CCDC39: variants seen among roughly 807,000 people sequenced by gnomAD.
The protein encoded by CCDC39 is coiled-coil domain 39 molecular ruler complex subunit.
A neutral mutation model predicts 121.0 loss-of-function variants in CCDC39; 113 were observed. The observed-to-expected ratio is 0.93, with a 90% CI of 0.80 to 1.09. The LOEUF is 1.09. Among genes scored for constraint, CCDC39 ranks in the 50% least tolerant of loss-of-function variants. CCDC39 has a pLI of 0.00. For missense variants in CCDC39, 1,063 were observed against 1,074.7 expected, an observed-to-expected ratio of 0.99 and a Z score of 0.15; for synonymous variants, 349 against 352.2, an observed-to-expected ratio of 0.99 and a Z score of 0.10.
chr3:180,652,080 C>A, intron 8 of CCDC39, 83 bp downstream of exon 8: 11 of 755,644 alleles, frequency 1.5e-5, no homozygotes, highest in Admixed American at 3.4e-5. Context: ...ATTATTTAAA[C>A]AACAAATAGT....
At chr3:180,656,559 T>C (rs56087891) in intron 6 of CCDC39, among the ~76,000 whole-genome samples, 6,309 of 152,166 alleles carry the variant, frequency 0.041, 463 homozygotes, top group African/African-American at 0.14. Flanking sequence ...ATTTGAACCA[T>C]AGCAACTCCA....
rs1440418338 is a variant in CCDC39 at position 180,661,959 on chromosome 3, T to C, written c.259A>G (p.Lys87Glu). ...ERETESEEHFKAIAQRELGRV... is the reference protein window; with the variant it reads ...ERETESEEHFEAIAQRELGRV... ...CCCAATTCTCTTTGAGCAATGGCCTTAAAATGTTCTTCACTTTCAGTCTCA... is the reference window on the plus strand; with the variant it reads ...CCCAATTCTCTTTGAGCAATGGCCTCAAAATGTTCTTCACTTTCAGTCTCA... The change falls in exon 3 of 20, where the codon AAG becomes GAG. Residue 87 changes from lysine (K) to glutamate (E), a missense_variant. Physicochemically the swap from Lys to Glu is moderately conservative, Grantham distance 56 (BLOSUM62 1). Transcript: ENST00000476379. 6.4e-7 allele frequency: 1 copy of C among 1,560,604 alleles called. No homozygotes were observed.
intron 9 of CCDC39, among the ~76,000 whole-genome samples, chr3:180,649,318 C>T (rs1338061242): frequency 6.6e-6 from 1 of 152,104 alleles, no homozygotes; most frequent in Non-Finnish European, 1.5e-5. Context: ...CCAATGTGTT[C>T]TAGGCTTTAA....
intron 14 of CCDC39, among the ~76,000 whole-genome samples, chr3:180,624,432 T>C (rs1171222412): frequency 1.3e-5 from 2 of 152,178 alleles, no homozygotes; most frequent in East Asian, 3.9e-4. Flanking sequence ...ATATGTATGA[T>C]TTTGTTCCTG....
chr3:180,651,799 A>G (rs1048399002), intron 8 of CCDC39, among the ~76,000 whole-genome samples: 12 of 152,204 alleles, frequency 7.9e-5, no homozygotes, highest in Non-Finnish European at 1.0e-4. Context: ...GCACTTTGGG[A>G]GGCCAAGGCG....
At chr3:180,678,708 C>T (rs1712305493) in intron 1 of CCDC39, among the ~76,000 whole-genome samples, 1 of 151,804 alleles carries the variant, frequency 6.6e-6, no homozygotes, top group African/African-American at 2.4e-5. Flanking sequence ...GTAAGTTCGT[C>T]CTTGCAACGT....
chr3:180,628,285 A>T (rs1469660043), intron 14 of CCDC39, among the ~76,000 whole-genome samples: 1 of 152,126 alleles, frequency 6.6e-6, no homozygotes, highest in Non-Finnish European at 1.5e-5. Context: ...ATCTTGGCTC[A>T]CTGCAAGCTC....
intron 2 of CCDC39, 29 bp from the exon 3 acceptor site, chr3:180,662,036 C>T: frequency 6.6e-7 from 1 of 1,510,282 alleles, no homozygotes; most frequent in Non-Finnish European, 8.8e-7. Context: ...GATAAAAAGG[C>T]TTTTAAAATT....
chr3:180,674,406 C>T (rs941970855), intron 1 of CCDC39, among the ~76,000 whole-genome samples: 18 of 152,146 alleles, frequency 1.2e-4, no homozygotes, highest in South Asian at 4.2e-4. Context: ...TCTAGATATA[C>T]AATCATGTCA....
Position 180,651,454 on chromosome 3 carries a change from C to T in CCDC39, c.1114G>A (p.Glu372Lys). 1 of 1,556,148 alleles carries T rather than the reference C, an allele frequency of 6.4e-7. No individual in the cohort carries two copies. Among genetic ancestry groups the T allele is most frequent in the Non-Finnish European group, 8.7e-7 (1 of 1,148,110 alleles). ...ATATCTTCCAAATTAGTAGCTTTCT[C>T]TTCTACAGACATGGTTTTCTCAGTT... ...EITEKTMSVE[E>K]KATNLEDMLK... is the part of the protein sequence containing the mutation. The change falls in exon 9 of 20, where the codon GAG becomes AAG. Residue 372 changes from glutamate to lysine, a missense_variant. Coordinates refer to ENST00000476379, the MANE Select transcript of CCDC39 (RefSeq NM_181426.2).
At position 180,620,010 on chromosome 3, in the gene CCDC39, T is replaced by C. The variant is rs757259586; in HGVS notation, c.1999-40A>G. On this transcript the variant is annotated intron_variant, in intron 14 of 19. Coordinates refer to ENST00000476379, the MANE Select transcript of CCDC39 (RefSeq NM_181426.2). ...ATAGAACTGGTTGAATAAAAGCATT[T>C]ACTATGGGAAGAAATGCCTAATGGC... is the stretch of plus-strand genomic sequence containing the variant. 25 of 1,487,700 alleles carry C rather than the reference T, an allele frequency of 1.7e-5. No individual in the cohort carries two copies. The South Asian group carries it at 3.2e-4, about 19-fold the overall frequency. 92.2% of individuals were successfully genotyped at this position (1,487,700 alleles called of 1,614,324 possible).
chr3:180,628,292 GCTCCGCCTCCTGGGTTCATGCCATTCTGC>G (rs1193130901), intron 14 of CCDC39, among the ~76,000 whole-genome samples: 2 of 152,132 alleles, frequency 1.3e-5, no homozygotes, highest in Non-Finnish European at 2.9e-5. Context: ...CTCACTGCAA[GCTCCGCCTCCTGGGTTCATGCCATTCTGC>G]CTCAGCCTCC....
chr3:180,632,141 T>C (rs993038936), intron 13 of CCDC39, among the ~76,000 whole-genome samples: 13 of 152,168 alleles, frequency 8.5e-5, no homozygotes, highest in Non-Finnish European at 2.9e-5. Flanking sequence ...TGCCTAACTT[T>C]TGCTCCAGAA....
At chr3:180,640,048 C>G (rs540405580) in intron 13 of CCDC39, among the ~76,000 whole-genome samples, 1 of 151,998 alleles carries the variant, frequency 6.6e-6, no homozygotes, top group Non-Finnish European at 1.5e-5. Context: ...GATCAGTTGT[C>G]CGGAGAGAGA....
At chr3:180,661,718 T>TA (rs1429030227) in intron 3 of CCDC39, 143 bp downstream of exon 3, 1 of 674,912 alleles carries the variant, frequency 1.5e-6, no homozygotes, top group African/African-American at 1.8e-5. Context: ...TCCATGTGCC[T>TA]TTCACTGTCC....
rs375085058 is a variant in CCDC39, at chr3:180,615,133, C to T, written c.2670-56G>A. The T allele has an allele frequency of 4.5e-6, 6 of 1,321,674 alleles. No homozygotes were observed. In the East Asian group the frequency reaches 8.0e-5, roughly 18 times the overall value. The allele number at this position is 1,321,674 out of a possible 1,614,324, so 81.9% of individuals were successfully genotyped here. ...TGCAAAGTTTATATTTTAGTATAGACCCTCTCATTATTGGCAAAAGGTACC... is the reference window on the plus strand; with the variant it reads ...TGCAAAGTTTATATTTTAGTATAGATCCTCTCATTATTGGCAAAAGGTACC... On this transcript the variant is annotated intron_variant, in intron 19 of 19. Coordinates refer to ENST00000476379, the MANE Select transcript of CCDC39 (RefSeq NM_181426.2).
At position 180,651,442 on chromosome 3, in the gene CCDC39, T is replaced by C. The variant is rs1399824117; in HGVS notation, c.1126A>G (p.Asn376Asp). The C allele has an allele frequency of 6.4e-7, 1 of 1,559,144 alleles. No individual in the cohort carries two copies. The highest frequency in any genetic ancestry group is 1.4e-5 in the African/African-American group (1 of 73,656). ...TCCTCCTTTAGCATATCTTCCAAAT[T>C]AGTAGCTTTCTCTTCTACAGACATG... ...KTMSVEEKAT[N>D]LEDMLKEEEK... Residue 376 changes from asparagine to aspartate, a missense_variant, in exon 9 of 20, where the codon AAT becomes GAT. Coordinates refer to ENST00000476379, the MANE Select transcript of CCDC39 (RefSeq NM_181426.2).
chr3:180,651,588 C>G, intron 8 of CCDC39, 55 bp from the exon 9 acceptor site: 1 of 1,442,604 alleles, frequency 6.9e-7, no homozygotes, highest in Non-Finnish European at 9.2e-7. Context: ...GCATTTCATA[C>G]AAACAAATAA....
chr3:180,615,572 T>C (rs1311935254), intron 19 of CCDC39, among the ~76,000 whole-genome samples: 1 of 152,154 alleles, frequency 6.6e-6, no homozygotes, highest in Non-Finnish European at 1.5e-5. Context: ...AGTACAGGGA[T>C]GTTCAGTTAT....
Sources: allele counts gnomAD v4.1 joint callset (sites outside exome capture counted in the v4.1 genomes callset), GRCh38; gene constraint gnomAD v4.1.1; transcripts MANE v1.5; gene names NCBI Gene and HGNC (gene_info 2026-07-23, HGNC 2026-07-21).